Variants in NF1 observed in about 807,000 individuals in gnomAD.
The protein encoded by NF1 is neurofibromin.
NF1 carries 122 observed loss-of-function variants against 325.7 expected under a neutral mutation model. The ratio of observed to expected loss-of-function variants is 0.37; its 90% CI spans 0.32 to 0.44. NF1 has a LOEUF of 0.44. NF1 is among the 20% of genes least tolerant of loss of function. NF1 has a pLI of 1.00. For missense variants in NF1, 2,140 were observed against 3,415.4 expected (o/e 0.63, Z 9.31); for synonymous variants, 1,091 against 1,186.0 (o/e 0.92, Z 1.65).
chr17:31,104,204 G>A (rs1013764408), intron 1 of NF1, among the ~76,000 whole-genome samples: 1 of 152,070 alleles, frequency 6.6e-6, no homozygotes, highest in Non-Finnish European at 1.5e-5. Context: ...GGGCATTTTT[G>A]TTGTAGCTTT....
intron 36 of NF1, among the ~76,000 whole-genome samples, chr17:31,315,947 G>A (rs986355743): frequency 5.3e-5 from 8 of 151,946 alleles, no homozygotes; most frequent in South Asian, 4.2e-4. Context: ...TTGTTTTTAC[G>A]GACAGGGTAT....
At chr17:31,324,794 T>C (rs2069300987) in intron 36 of NF1, among the ~76,000 whole-genome samples, 1 of 152,094 alleles carries the variant, frequency 6.6e-6, no homozygotes, top group African/African-American at 2.4e-5. Flanking sequence ...ACTCCTGGCC[T>C]TATGTAACCC....
intron 36 of NF1, among the ~76,000 whole-genome samples, chr17:31,281,376 A>T (rs961573928): frequency 6.6e-6 from 1 of 152,006 alleles, no homozygotes; most frequent in Non-Finnish European, 1.5e-5. Context: ...GCTCAGAATG[A>T]CAAATGAATG....
chr17:31,364,871 C>T (rs964237314), intron 57 of NF1, among the ~76,000 whole-genome samples: 3 of 152,122 alleles, frequency 2.0e-5, no homozygotes, highest in Non-Finnish European at 4.4e-5. Context: ...TTCCCAAACA[C>T]CAATAAGAGC....
intron 1 of NF1, among the ~76,000 whole-genome samples, chr17:31,111,184 G>A (rs1913382479): frequency 6.7e-6 from 1 of 149,496 alleles, no homozygotes; most frequent in African/African-American, 2.5e-5. Context: ...CTTGTGGACA[G>A]ATCAATAGAA....
At chr17:31,110,041 A>G (rs1329900224) in intron 1 of NF1, among the ~76,000 whole-genome samples, 1 of 152,188 alleles carries the variant, frequency 6.6e-6, no homozygotes, top group East Asian at 1.9e-4. Context: ...AGACTTGTTA[A>G]AAGTACAGAT....
At chr17:31,338,240 A>G (rs2069730980) in intron 45 of NF1, 101 bp downstream of exon 45, 1 of 838,208 alleles carries the variant, frequency 1.2e-6, no homozygotes, top group Admixed American at 1.7e-5. Flanking sequence ...AGGTCAATGA[A>G]ATATCTTATA....
At chr17:31,218,959 C>T (rs370296833) in intron 13 of NF1, 46 bp from the exon 14 acceptor site, 26 of 1,493,484 alleles carry the variant, frequency 1.7e-5, no homozygotes, top group Admixed American at 4.1e-5. Flanking sequence ...TAATCTCTCT[C>T]GATTTATTTA....
chr17:31,219,523 C>T (rs17881005), intron 14 of NF1, among the ~76,000 whole-genome samples: 2,220 of 151,478 alleles, frequency 0.015, 62 homozygotes, highest in African/African-American at 0.051. Context: ...AGGTTACATG[C>T]GCACAATGTG....
chr17:31,301,794 T>C (rs2068579273), intron 36 of NF1, among the ~76,000 whole-genome samples: 1 of 152,222 alleles, frequency 6.6e-6, no homozygotes, highest in African/African-American at 2.4e-5. Context: ...CCAAATGGTC[T>C]TCAGGGTTGT....
intron 5 of NF1, among the ~76,000 whole-genome samples, chr17:31,175,835 C>G (rs1028109827): frequency 1.3e-5 from 2 of 152,118 alleles, no homozygotes; most frequent in Admixed American, 1.3e-4. Flanking sequence ...ATCCATGTCC[C>G]TGCAAAGGAC....
intron 42 of NF1, 121 bp downstream of exon 42, chr17:31,337,035 C>T: frequency 1.0e-6 from 1 of 985,986 alleles, no homozygotes; most frequent in Non-Finnish European, 1.5e-6. Flanking sequence ...TTTAAGCCTC[C>T]AGTAATGACA....
intron 1 of NF1, among the ~76,000 whole-genome samples, chr17:31,107,444 T>C (rs909178941): frequency 2.6e-5 from 4 of 152,098 alleles, no homozygotes; most frequent in Non-Finnish European, 5.9e-5. Context: ...TTTAAATTTT[T>C]TGTAGAGACG....
intron 3 of NF1, among the ~76,000 whole-genome samples, chr17:31,161,250 T>C (rs1288656320): frequency 6.6e-6 from 1 of 152,216 alleles, no homozygotes; most frequent in Non-Finnish European, 1.5e-5. Context: ...TTTTTATTTG[T>C]TAGAGTTAAC....
In NF1 at chr17:31,208,327, C is replaced by A. The variant is rs187338490; in HGVS notation, c.1392+1956C>A. On this transcript the variant is annotated intron_variant, in intron 12 of 57. Coordinates refer to ENST00000358273, the MANE Select transcript of NF1 (RefSeq NM_001042492.3). Reference sequence around the variant, plus strand: ...AAGGACAGCTTTTGGGCTGATATTACCAGGAGAGAAAATAAATAGCAAATG... The same window carrying A: ...AAGGACAGCTTTTGGGCTGATATTAACAGGAGAGAAAATAAATAGCAAATG... Among the ~76,000 whole-genome samples, 55 of 151,706 alleles carry A rather than the reference C, an allele frequency of 3.6e-4. 4 individuals are homozygous for A. In the East Asian group the frequency reaches 4.1e-3, roughly 11 times the overall value.
chr17:31,297,609 C>T (rs1169859579), intron 36 of NF1: 2 of 152,084 alleles, frequency 1.3e-5, no homozygotes, highest in African/African-American at 4.8e-5. Flanking sequence ...TTTGACCTTC[C>T]TCATGGATAG....
chr17:31,228,190 A>T (rs1469664322), intron 20 of NF1, among the ~76,000 whole-genome samples: 1 of 152,206 alleles, frequency 6.6e-6, no homozygotes, highest in Non-Finnish European at 1.5e-5. Context: ...AACTATTACT[A>T]TTGACTATAT....
chr17:31,212,340 C>T lies in NF1; in HGVS notation c.1393-2111C>T, dbSNP rs142571823. ...GGTAACAATGCCTTCTTCTGGAATA[C>T]CTACTGAAGGACCTTCTGAGGCTGT... On this transcript the variant is annotated intron_variant, in intron 12 of 57. Transcript: ENST00000358273. Among the ~76,000 whole-genome samples, 119 of 152,290 alleles carry T rather than the reference C, an allele frequency of 7.8e-4. 1 individual carries two copies. Among genetic ancestry groups the T allele is most frequent in the Middle Eastern group, 6.8e-3 (2 of 294 alleles).
At chr17:31,281,081 A>G (rs1012150753) in intron 36 of NF1, among the ~76,000 whole-genome samples, 2 of 152,246 alleles carry the variant, frequency 1.3e-5, no homozygotes, top group Non-Finnish European at 2.9e-5. Flanking sequence ...AATATTTTTT[A>G]GCATCTCATA....
Sources: allele counts gnomAD v4.1 joint callset (sites outside exome capture counted in the v4.1 genomes callset), GRCh38; gene constraint gnomAD v4.1.1; transcripts MANE v1.5; gene names NCBI Gene and HGNC (gene_info 2026-07-23, HGNC 2026-07-21).